Variants in PLS1 observed in about 807,000 individuals in gnomAD.
PLS1 encodes plastin 1.
A neutral mutation model predicts 73.7 loss-of-function variants in PLS1; 32 were observed. The ratio of observed to expected loss-of-function variants is 0.43; its 90% confidence interval spans 0.33 to 0.58. The LOEUF is 0.58. Among genes scored for constraint, PLS1 ranks in the 20% least tolerant of loss-of-function variants. PLS1 has a pLI of 0.04. For synonymous variants in PLS1, 217 were observed against 261.3 expected (o/e 0.83, Z 1.63); for missense variants, 633 against 740.5 (o/e 0.85, Z 1.68).
chr3:142,657,974 A>G (rs1173088255), intron 1 of PLS1, among the ~76,000 whole-genome samples: 3 of 152,084 alleles, frequency 2.0e-5, no homozygotes, highest in Non-Finnish European at 4.4e-5. Flanking sequence ...TATTATTTTT[A>G]TGGCTTGATT....
chr3:142,643,745 A>G (rs893898755), intron 1 of PLS1, among the ~76,000 whole-genome samples: 13 of 152,048 alleles, frequency 8.5e-5, no homozygotes, highest in African/African-American at 3.1e-4. Context: ...GTTATAGAAT[A>G]TATTAGTTGA....
chr3:142,684,790 A>C (rs988765881), intron 8 of PLS1, among the ~76,000 whole-genome samples: 5 of 152,330 alleles, frequency 3.3e-5, no homozygotes, highest in East Asian at 3.9e-4. Context: ...GCTAACAGGA[A>C]ATCAGATTAT....
intron 1 of PLS1, among the ~76,000 whole-genome samples, chr3:142,642,471 T>G (rs192712332): frequency 0.013 from 1,982 of 152,336 alleles, 59 homozygotes; most frequent in Admixed American, 0.078. Context: ...AATTGTTTCA[T>G]CAACATTTTT....
At chr3:142,683,498 C>T (rs949642403) in intron 6 of PLS1, among the ~76,000 whole-genome samples, 4 of 151,776 alleles carry the variant, frequency 2.6e-5, no homozygotes, top group Non-Finnish European at 4.4e-5. Context: ...AGTGAGACTC[C>T]GTCTCAAAAA....
At chr3:142,615,513 A>G (rs916988091) in intron 1 of PLS1, among the ~76,000 whole-genome samples, 6 of 152,220 alleles carry the variant, frequency 3.9e-5, no homozygotes, top group African/African-American at 1.4e-4. Flanking sequence ...GAACCAACTG[A>G]GAAATAGATA....
At chr3:142,650,309 C>G (rs2037058670) in intron 1 of PLS1, among the ~76,000 whole-genome samples, 1 of 144,860 alleles carries the variant, frequency 6.9e-6, no homozygotes, top group African/African-American at 2.5e-5. Context: ...ACCTCTGCCT[C>G]TCAGGTTCAA....
At chr3:142,647,600 T>C (rs558889238) in intron 1 of PLS1, among the ~76,000 whole-genome samples, 1 of 152,042 alleles carries the variant, frequency 6.6e-6, no homozygotes, top group Non-Finnish European at 1.5e-5. Context: ...CCTCCCGGGT[T>C]CATGCGATTC....
At chr3:142,650,730 T>C (rs1310966572) in intron 1 of PLS1, among the ~76,000 whole-genome samples, 2 of 151,928 alleles carry the variant, frequency 1.3e-5, no homozygotes, top group Non-Finnish European at 2.9e-5. Context: ...AAGGAGAAAA[T>C]AAAACATGTT....
chr3:142,603,859 A>C (rs770625495), intron 1 of PLS1, among the ~76,000 whole-genome samples: 3 of 151,670 alleles, frequency 2.0e-5, no homozygotes, highest in Admixed American at 6.6e-5. Context: ...GCTGACCACA[A>C]AAAAAAAGGA....
At chr3:142,688,136 C>T (rs556053399) in intron 9 of PLS1, among the ~76,000 whole-genome samples, 51 of 152,024 alleles carry the variant, frequency 3.4e-4, no homozygotes, top group African/African-American at 9.6e-4. Flanking sequence ...TTAGTAGAGA[C>T]GGGGTTTCAC....
chr3:142,600,903 TATATATA>T lies in PLS1; in HGVS notation c.-37+4395_-37+4401del, dbSNP rs2035907672. Among the ~76,000 whole-genome samples the T allele has an allele frequency of 6.8e-4, 22 of 32,564 alleles. 1 individual carries two copies. The highest frequency in any genetic ancestry group is 2.6e-3 in the African/African-American group (13 of 4,978). 21.4% of individuals were successfully genotyped at this position (32,564 alleles called of 152,430 possible). On this transcript the variant is annotated intron_variant, in intron 1 of 15. Coordinates refer to ENST00000457734, the MANE Select transcript of PLS1 (RefSeq NM_001145319.2). ...ATATATATATATATATATATATATA[TATATATA>T]TATATATTTTTTTTTTTTTTTTTTT...
intron 1 of PLS1, among the ~76,000 whole-genome samples, chr3:142,624,392 C>T (rs1193235624): frequency 6.6e-6 from 1 of 152,180 alleles, no homozygotes; most frequent in East Asian, 1.9e-4. Flanking sequence ...CCAAAAAACT[C>T]TATATCTTTA....
Position 142,683,512 on chromosome 3 carries a change from TAAATA to T in PLS1, c.580-490_580-486del, listed in dbSNP as rs1215331106. Among the ~76,000 whole-genome samples the T allele has an allele frequency of 2.6e-5, 4 of 151,856 alleles. No homozygotes were observed. The East Asian group carries it at 7.8e-4, about 30-fold the overall frequency. On this transcript the variant is annotated intron_variant, in intron 6 of 15. Coordinates refer to ENST00000457734, the MANE Select transcript of PLS1 (RefSeq NM_001145319.2). ...GAGTGAGACTCCGTCTCAAAAAAAA[TAAATA>T]AAAAAGAGGATGGGCTCGGGAGACC...
At chr3:142,693,093 C>T (rs2038118711) in intron 10 of PLS1, among the ~76,000 whole-genome samples, 1 of 152,040 alleles carries the variant, frequency 6.6e-6, no homozygotes, top group Non-Finnish European at 1.5e-5. Flanking sequence ...GTAGCAGATA[C>T]AACAGACTGA....
chr3:142,708,487 C>T (rs1474228173), intron 14 of PLS1, among the ~76,000 whole-genome samples: 1 of 152,246 alleles, frequency 6.6e-6, no homozygotes, highest in African/African-American at 2.4e-5. Flanking sequence ...ACCTCCTGAT[C>T]TGCCTGCCTT....
At chr3:142,711,849 G>T in intron 15 of PLS1, 23 bp from the exon 16 acceptor site, 1 of 1,610,304 alleles carries the variant, frequency 6.2e-7, no homozygotes, top group Non-Finnish European at 8.5e-7. Flanking sequence ...ATAACACCAA[G>T]ATATTTTTCT....
intron 2 of PLS1, among the ~76,000 whole-genome samples, chr3:142,668,383 G>T (rs2037521815): frequency 6.6e-6 from 1 of 152,094 alleles, no homozygotes; most frequent in African/African-American, 2.4e-5. Context: ...ATACGTAATG[G>T]TATCATGAAT....
At chr3:142,657,582 T>C (rs563031897) in intron 1 of PLS1, among the ~76,000 whole-genome samples, 118 of 152,268 alleles carry the variant, frequency 7.7e-4, no homozygotes, top group Admixed American at 2.7e-3. Context: ...CCCCACCTCC[T>C]GGGTTCAAGC....
At chr3:142,646,555 C>G (rs1205657046) in intron 1 of PLS1, among the ~76,000 whole-genome samples, 2 of 152,246 alleles carry the variant, frequency 1.3e-5, no homozygotes, top group African/African-American at 4.8e-5. Context: ...CCCTTTACTA[C>G]AGGCATGGGC....
Sources: gnomAD v4.1 joint callset for allele counts (sites outside exome capture counted in the v4.1 genomes callset) on GRCh38, gnomAD v4.1.1 for gene constraint, MANE v1.5 for transcripts, NCBI Gene and HGNC (gene_info 2026-07-23, HGNC 2026-07-21) for gene names.